Variants in TSHZ2 observed in about 807,000 individuals in gnomAD.
The protein encoded by TSHZ2 is teashirt homolog 2.
Under a neutral mutation model 74.4 loss-of-function variants are expected in TSHZ2, and 21 were observed. The ratio of observed to expected loss-of-function variants is 0.28; its 90% confidence interval spans 0.20 to 0.41. TSHZ2 has a LOEUF of 0.41. Ranked by LOEUF, TSHZ2 falls within the 10% of genes least tolerant of loss-of-function variation. The pLI is 1.00. For synonymous variants in TSHZ2, 540 were observed against 515.3 expected (o/e 1.05, Z -0.65); for missense variants, 1,244 against 1,293.5 (o/e 0.96, Z 0.59).
At chr20:53,154,900 C>A (rs550871125) in intron 1 of TSHZ2, among the ~76,000 whole-genome samples, 1 of 152,146 alleles carries the variant, frequency 6.6e-6, no homozygotes, top group South Asian at 2.1e-4. Context: ...TATTGACATG[C>A]ATTTAATTAG....
intron 1 of TSHZ2, among the ~76,000 whole-genome samples, chr20:53,036,082 C>T (rs534762892): frequency 3.0e-4 from 46 of 152,158 alleles, no homozygotes; most frequent in Middle Eastern, 6.8e-3. Flanking sequence ...TGACTAATTC[C>T]GCTTCTCGAC....
rs148473094 is a variant in TSHZ2 at position 53,143,326 on chromosome 20, G to A, written c.41-110173G>A. 2.4e-4 allele frequency among the ~76,000 whole-genome samples: 36 copies of A among 152,314 alleles called. 1 individual carries two copies. The East Asian group carries it at 6.0e-3, about 25-fold the overall frequency. On this transcript the variant is annotated intron_variant, in intron 1 of 2. Coordinates refer to ENST00000371497, the MANE Select transcript of TSHZ2 (RefSeq NM_173485.6). Reference sequence around the variant, plus strand: ...TTAGGGCACACTATGGCTGACAGCCGGAAGGTAAACTTGGCTATGATTTTC... The same window carrying A: ...TTAGGGCACACTATGGCTGACAGCCAGAAGGTAAACTTGGCTATGATTTTC...
chr20:53,385,818 G>A (rs760133251), intron 2 of TSHZ2, among the ~76,000 whole-genome samples: 8 of 152,040 alleles, frequency 5.3e-5, no homozygotes, highest in Non-Finnish European at 1.0e-4. Context: ...AAGGAGCCTG[G>A]AACTTTCGAG....
intron 2 of TSHZ2, among the ~76,000 whole-genome samples, chr20:53,267,143 G>T (rs1702245533): frequency 6.6e-6 from 1 of 152,274 alleles, no homozygotes; most frequent in African/African-American, 2.4e-5. Context: ...CACCTATGAG[G>T]CTGCAAGGGC....
intron 1 of TSHZ2, among the ~76,000 whole-genome samples, chr20:53,045,681 A>T (rs1984202145): frequency 6.6e-6 from 1 of 152,332 alleles, no homozygotes; most frequent in African/African-American, 2.4e-5. Flanking sequence ...CCTGGCTTCG[A>T]ATCTGGGAAC....
intron 1 of TSHZ2, among the ~76,000 whole-genome samples, chr20:53,124,526 G>A (rs1305493179): frequency 6.6e-6 from 1 of 152,200 alleles, no homozygotes; most frequent in African/African-American, 2.4e-5. Context: ...CTCTCTCCAT[G>A]CATCATCGAC....
chr20:53,065,358 A>G (rs1984949440), intron 1 of TSHZ2, among the ~76,000 whole-genome samples: 1 of 152,208 alleles, frequency 6.6e-6, no homozygotes, highest in Non-Finnish European at 1.5e-5. Flanking sequence ...CATCTGTCAA[A>G]AGGGAGCATG....
intron 1 of TSHZ2, among the ~76,000 whole-genome samples, chr20:53,027,018 C>T (rs2870046): frequency 0.71 from 107,289 of 151,540 alleles, 39,028 homozygotes; most frequent in East Asian, 0.96. Context: ...ACAACAAAAA[C>T]TACATTTCAT....
chr20:53,360,219 C>G (rs889893113), intron 2 of TSHZ2, among the ~76,000 whole-genome samples: 1 of 152,176 alleles, frequency 6.6e-6, no homozygotes, highest in African/African-American at 2.4e-5. Flanking sequence ...ACATATAAGA[C>G]AGTGTAATAA....
intron 2 of TSHZ2, among the ~76,000 whole-genome samples, chr20:53,340,396 G>T (rs1980148443): frequency 6.6e-6 from 1 of 151,962 alleles, no homozygotes; most frequent in Non-Finnish European, 1.5e-5. Context: ...GTGTTAGTCA[G>T]GATGGTCTCT....
chr20:53,255,086 G>T lies in TSHZ2; in HGVS notation c.1628G>T (p.Ser543Ile). The T allele has an allele frequency of 6.2e-7, 1 of 1,614,140 alleles. No individual in the cohort carries two copies. Among genetic ancestry groups the T allele is most frequent in the Non-Finnish European group, 8.5e-7 (1 of 1,180,036 alleles). ...NGAPSWSAYP[S>I]IHAAYQLSEG... ...GCCCCCAGCTGGAGTGCCTACCCCAGCATCCACGCAGCCTACCAGCTGTCT... is the reference window on the plus strand; with the variant it reads ...GCCCCCAGCTGGAGTGCCTACCCCATCATCCACGCAGCCTACCAGCTGTCT... The change falls in exon 2 of 3, where the codon AGC becomes ATC. Residue 543 changes from serine to isoleucine, a missense_variant. Coordinates refer to ENST00000371497, the MANE Select transcript of TSHZ2 (RefSeq NM_173485.6). This position sits in a 1 kb window ranked among gnomAD's most constrained non-coding sequence, Gnocchi z 4.1.
chr20:53,210,287 T>C (rs961756701), intron 1 of TSHZ2, among the ~76,000 whole-genome samples: 3 of 152,206 alleles, frequency 2.0e-5, no homozygotes, highest in African/African-American at 7.2e-5. Context: ...AGAGAGCCAA[T>C]GTGACAGCTT....
chr20:53,069,045 C>T (rs1481512700), intron 1 of TSHZ2, among the ~76,000 whole-genome samples: 2 of 151,990 alleles, frequency 1.3e-5, no homozygotes, highest in East Asian at 3.9e-4. Flanking sequence ...AGGGAAGCAC[C>T]AGGAGCCATT....
chr20:53,220,348 G>A (rs1372349086), intron 1 of TSHZ2, among the ~76,000 whole-genome samples: 1 of 152,120 alleles, frequency 6.6e-6, no homozygotes, highest in African/African-American at 2.4e-5. Context: ...CTAAAGGTGG[G>A]GCTTTAAGAG....
intron 2 of TSHZ2, among the ~76,000 whole-genome samples, chr20:53,440,769 C>G (rs144254160): frequency 6.6e-6 from 1 of 152,316 alleles, no homozygotes; most frequent in East Asian, 1.9e-4. Context: ...CATTACAACT[C>G]TTTAAGTATG....
At chr20:52,981,881 C>A (rs1259192251) in intron 1 of TSHZ2, among the ~76,000 whole-genome samples, 1 of 152,188 alleles carries the variant, frequency 6.6e-6, no homozygotes, top group African/African-American at 2.4e-5. Flanking sequence ...TTCTTGAGTT[C>A]CTACTATGTG....
At chr20:53,069,858 T>C (rs544278253) in intron 1 of TSHZ2, among the ~76,000 whole-genome samples, 1 of 152,218 alleles carries the variant, frequency 6.6e-6, no homozygotes, top group Middle Eastern at 3.4e-3. Context: ...TAATGAAATA[T>C]TGATCTGTTC....
At chr20:52,995,105 T>G (rs989010127) in intron 1 of TSHZ2, among the ~76,000 whole-genome samples, 2 of 152,176 alleles carry the variant, frequency 1.3e-5, no homozygotes, top group African/African-American at 2.4e-5. Context: ...AGGTCAAACT[T>G]TTTTATCTTG....
At chr20:53,008,190 A>AC (rs1982715472) in intron 1 of TSHZ2, among the ~76,000 whole-genome samples, 1 of 152,234 alleles carries the variant, frequency 6.6e-6, no homozygotes, top group East Asian at 1.9e-4. Context: ...GTCTTTATGA[A>AC]GAAAAAAATA....
Sources: gnomAD v4.1 joint callset for allele counts (sites outside exome capture counted in the v4.1 genomes callset) on GRCh38, gnomAD v4.1.1 for gene constraint, Gnocchi (gnomAD v3.1) non-coding constraint, MANE v1.5 for transcripts, NCBI Gene and HGNC (gene_info 2026-07-23, HGNC 2026-07-21) for gene names.